The following PAFAH2 variants were observed in gnomAD, a reference collection of about 807,000 sequenced individuals.
The protein encoded by PAFAH2 is platelet-activating factor acetylhydrolase 2, cytoplasmic.
A neutral mutation model predicts 49.0 loss-of-function variants in PAFAH2; 42 were observed. The observed-to-expected ratio is 0.86, with a 90% CI of 0.67 to 1.11. The LOEUF (loss-of-function observed/expected upper bound fraction) is 1.11. Ranked by LOEUF, PAFAH2 falls within the 50% of genes least tolerant of loss-of-function variation. PAFAH2 has a pLI of 0.00. For missense variants in PAFAH2, 503 were observed against 501.8 expected (o/e 1.00, Z -0.02); for synonymous variants, 184 against 181.3 (o/e 1.01, Z -0.12).
intron 3 of PAFAH2, among the ~76,000 whole-genome samples, chr1:25,989,157 T>A (rs983033497): frequency 6.6e-6 from 1 of 152,152 alleles, no homozygotes; most frequent in Non-Finnish European, 1.5e-5. Context: ...TTTACGTACA[T>A]CCCGTACTAC....
intron 1 of PAFAH2, among the ~76,000 whole-genome samples, chr1:25,991,628 C>G (rs1347520886): frequency 6.7e-6 from 1 of 148,222 alleles, no homozygotes; most frequent in Non-Finnish European, 1.5e-5. Flanking sequence ...CACGGTGGCT[C>G]ACGCCTGTAA....
In PAFAH2 at chr1:25,984,845, C is replaced by CTTT. The variant is rs34522205; in HGVS notation, c.342-320_342-318dup. ...CTGGACTTCAGAGCCAGAGAGATTT[C>CTTT]TTTTTTTTTTTTTTTTTTTTTGAGA... On this transcript the variant is annotated intron_variant, in intron 4 of 10. Transcript: ENST00000374282. 7.7e-3 allele frequency among the ~76,000 whole-genome samples: 800 copies of CTTT among 104,232 alleles called. 18 individuals carry two copies. The highest frequency in any genetic ancestry group is 0.018 in the Middle Eastern group (3 of 168). 68.4% of individuals were successfully genotyped at this position (104,232 alleles called of 152,430 possible).
At chr1:25,966,135 T>C (rs1474622159) in intron 10 of PAFAH2, among the ~76,000 whole-genome samples, 1 of 152,134 alleles carries the variant, frequency 6.6e-6, no homozygotes, top group East Asian at 1.9e-4. Flanking sequence ...CTGGTGAGGA[T>C]GCAGAGAAAG....
chr1:25,974,190 C>G (rs1270071809), intron 9 of PAFAH2, among the ~76,000 whole-genome samples: 1 of 152,162 alleles, frequency 6.6e-6, no homozygotes, highest in Non-Finnish European at 1.5e-5. Context: ...CTCATCCAAA[C>G]CCACACCACT....
At chr1:25,982,531 G>C in intron 6 of PAFAH2, 54 bp from the exon 7 acceptor site, 1 of 1,344,926 alleles carries the variant, frequency 7.4e-7, no homozygotes, top group Non-Finnish European at 1.1e-6. Flanking sequence ...TGTCCAGCGA[G>C]AATCTCCCTC....
At chr1:25,965,864 ACAACT>A (rs2049413070) in intron 10 of PAFAH2, among the ~76,000 whole-genome samples, 1 of 109,614 alleles carries the variant, frequency 9.1e-6, no homozygotes, top group African/African-American at 2.6e-5. Flanking sequence ...AGGAACTCAA[ACAACT>A]CAACAAGAAA....
At chr1:25,995,618 C>T (rs2049926902) in intron 1 of PAFAH2, among the ~76,000 whole-genome samples, 1 of 152,188 alleles carries the variant, frequency 6.6e-6, no homozygotes, top group African/African-American at 2.4e-5. Context: ...TTCACGACTA[C>T]GATTTCACTT....
At chr1:25,983,550 CT>C (rs2049727376) in intron 6 of PAFAH2, among the ~76,000 whole-genome samples, 1 of 115,994 alleles carries the variant, frequency 8.6e-6, no homozygotes, top group Admixed American at 1.0e-4. Flanking sequence ...GAGCAAGATC[CT>C]GTCTCAAAAA....
chr1:25,972,243 G>A (rs1364368715), intron 10 of PAFAH2, among the ~76,000 whole-genome samples: 1 of 151,046 alleles, frequency 6.6e-6, no homozygotes, highest in Non-Finnish European at 1.5e-5. Context: ...CTATAGGTGT[G>A]TGCCACCACA....
Position 25,976,700 on chromosome 1 carries a change from G to A in PAFAH2, c.740C>T (p.Ala247Val), listed in dbSNP as rs771102044. 3.3e-5 allele frequency: 53 copies of A among 1,613,916 alleles called. No homozygotes were observed. Among genetic ancestry groups the A allele is most frequent in the Non-Finnish European group, 4.4e-5 (52 of 1,179,898 alleles). The part of the protein sequence containing the change: ...FGGATAILAL[A>V]KETQFRCAVA... ...AACTCACCGAAATTGGGTCTCCTTG[G>A]CCAAAGCCAGAATAGCTGTGGCCCC... The change falls in exon 8 of 11, where the codon GCC (alanine) becomes GTC (valine). Residue 247 changes from alanine (A) to valine (V), a missense_variant. Ala to Val is a moderately conservative substitution (Grantham distance 64, BLOSUM62 0). Transcript: ENST00000374282.
chr1:25,962,719 G>A (rs2049356834), intron 10 of PAFAH2, among the ~76,000 whole-genome samples: 1 of 151,922 alleles, frequency 6.6e-6, no homozygotes, highest in Non-Finnish European at 1.5e-5. Flanking sequence ...TACCTACTCA[G>A]GAGGCCAAGA....
chr1:25,983,454 C>T (rs1447501415), intron 6 of PAFAH2, among the ~76,000 whole-genome samples: 1 of 151,310 alleles, frequency 6.6e-6, no homozygotes, highest in East Asian at 1.9e-4. Flanking sequence ...CTACTCAGGA[C>T]ACTGAGGTAG....
intron 4 of PAFAH2, among the ~76,000 whole-genome samples, chr1:25,987,658 T>C (rs1226742059): frequency 6.7e-6 from 1 of 150,298 alleles, no homozygotes; most frequent in South Asian, 2.1e-4. Flanking sequence ...AACGGGAGGA[T>C]GGCTTGAGCT....
chr1:25,970,233 G>A (rs1011695499), intron 10 of PAFAH2, among the ~76,000 whole-genome samples: 3 of 152,110 alleles, frequency 2.0e-5, no homozygotes, highest in Non-Finnish European at 2.9e-5. Context: ...TTGGGAGGCC[G>A]AGGCAGGTGG....
At chr1:25,972,317 C>T (rs1475373452) in intron 10 of PAFAH2, among the ~76,000 whole-genome samples, 3 of 150,978 alleles carry the variant, frequency 2.0e-5, no homozygotes, top group Admixed American at 6.6e-5. Context: ...AGACTGGTCT[C>T]GAACTCCTGG....
chr1:25,980,989 A>G (rs1285902972), intron 7 of PAFAH2, among the ~76,000 whole-genome samples: 2 of 152,102 alleles, frequency 1.3e-5, no homozygotes, highest in Non-Finnish European at 2.9e-5. Flanking sequence ...CCCTGTCTCA[A>G]AAAAATAAAT....
intron 10 of PAFAH2, among the ~76,000 whole-genome samples, chr1:25,972,311 T>C (rs1366245776): frequency 1.3e-5 from 2 of 151,650 alleles, no homozygotes; most frequent in Non-Finnish European, 2.9e-5. Flanking sequence ...TTGCTCAGAC[T>C]GGTCTCGAAC....
intron 7 of PAFAH2, among the ~76,000 whole-genome samples, chr1:25,977,360 C>T (rs980251242): frequency 1.3e-5 from 2 of 148,858 alleles, no homozygotes; most frequent in Non-Finnish European, 3.0e-5. Context: ...ATTCAAATAT[C>T]TATGAATAGG....
intron 10 of PAFAH2, among the ~76,000 whole-genome samples, chr1:25,963,959 C>G (rs373854285): frequency 6.6e-6 from 1 of 152,150 alleles, no homozygotes; most frequent in Non-Finnish European, 1.5e-5. Flanking sequence ...CTGCAGCGTG[C>G]CTGGCGCGTT....
Sources: allele counts gnomAD v4.1 joint callset (sites outside exome capture counted in the v4.1 genomes callset), GRCh38; gene constraint gnomAD v4.1.1; transcripts MANE v1.5; gene names NCBI Gene and HGNC (gene_info 2026-07-23, HGNC 2026-07-21).